The following TYW1B variants were observed in gnomAD, a reference collection of about 807,000 sequenced individuals.
TYW1B encodes the protein S-adenosyl-L-methionine-dependent tRNA 4-demethylwyosine synthase TYW1B.
A neutral mutation model predicts 86.9 loss-of-function variants in TYW1B; 73 were observed. The ratio of observed to expected loss-of-function variants is 0.84; its 90% CI spans 0.70 to 1.02. The LOEUF (loss-of-function observed/expected upper bound fraction) is 1.02, where lower values mean the gene tolerates loss of function less well. TYW1B is among the 50% of genes least tolerant of loss of function. The probability of loss-of-function intolerance (pLI) is 0.00; values close to 1 mark genes in which losing one functional copy is unlikely to be tolerated. For missense variants in TYW1B, 637 were observed against 827.4 expected (o/e 0.77, Z 2.82); for synonymous variants, 248 against 292.8 (o/e 0.85, Z 1.56).
At chr7:72,652,377 GAAA>G (rs1169791430) in intron 11 of TYW1B, among the ~76,000 whole-genome samples, 273 of 31,254 alleles carry the variant, frequency 8.7e-3, no homozygotes, top group African/African-American at 0.023. Context: ...GACTCTGTCT[GAAA>G]AAAAAAAAAA....
intron 11 of TYW1B, among the ~76,000 whole-genome samples, chr7:72,682,889 T>C (rs34209527): frequency 1.3e-5 from 2 of 152,026 alleles, no homozygotes; most frequent in African/African-American, 4.8e-5. Flanking sequence ...TCCAGACAGA[T>C]CCAGTCATTA....
At chr7:72,634,456 T>A (rs868916812) in intron 11 of TYW1B, among the ~76,000 whole-genome samples, 5 of 147,178 alleles carry the variant, frequency 3.4e-5, no homozygotes, top group Admixed American at 6.8e-5. Context: ...CCCAAAGTGC[T>A]AGGATTACAG....
chr7:72,820,589 A>G (rs1788810245), intron 2 of TYW1B, among the ~76,000 whole-genome samples: 1 of 152,162 alleles, frequency 6.6e-6, no homozygotes, highest in Non-Finnish European at 1.5e-5. Context: ...GCTGGCGAGC[A>G]CAAAGATCAC....
At chr7:72,783,882 G>T (rs2129572143) in intron 6 of TYW1B, among the ~76,000 whole-genome samples, 1 of 152,290 alleles carries the variant, frequency 6.6e-6, no homozygotes, top group East Asian at 1.9e-4. Context: ...TCTAGGTGAA[G>T]TAAACACTCC....
chr7:72,638,059 A>G (rs1292017959), intron 11 of TYW1B, among the ~76,000 whole-genome samples: 1 of 151,264 alleles, frequency 6.6e-6, no homozygotes, highest in African/African-American at 2.4e-5. Context: ...AAATTTCTAC[A>G]GTAAATGAGT....
intron 4 of TYW1B, among the ~76,000 whole-genome samples, chr7:72,808,696 T>C (rs1554477317): frequency 6.6e-6 from 1 of 151,708 alleles, no homozygotes; most frequent in Non-Finnish European, 1.5e-5. Context: ...CCCGGCTAAT[T>C]TTGTATTTTT....
At chr7:72,720,605 C>A (rs1242629835) in intron 9 of TYW1B, among the ~76,000 whole-genome samples, 1 of 152,096 alleles carries the variant, frequency 6.6e-6, no homozygotes, top group Non-Finnish European at 1.5e-5. Context: ...TCTCTCCTTC[C>A]TAAGAGCATG....
At chr7:72,802,917 G>T (rs547810339) in intron 5 of TYW1B, among the ~76,000 whole-genome samples, 2 of 152,148 alleles carry the variant, frequency 1.3e-5, no homozygotes, top group East Asian at 3.9e-4. Flanking sequence ...AACAGCGCTC[G>T]GCTGTCTATA....
rs1281274129 is a variant in TYW1B at position 72,719,154 on chromosome 7, AT to A, written c.1193-5357del. On this transcript the variant is annotated intron_variant, in intron 9 of 13. Transcript: ENST00000620995. Reference sequence around the variant, plus strand: ...CTGAAAAATAAATTCAATTATTATTATTTTTTTTTTTTTAGACAAGGTCTGC... The same window carrying A: ...CTGAAAAATAAATTCAATTATTATTATTTTTTTTTTTTAGACAAGGTCTGC... Among the ~76,000 whole-genome samples, 1,272 of 146,042 alleles carry A rather than the reference AT, an allele frequency of 8.7e-3. 13 individuals are homozygous for A. The highest frequency in any genetic ancestry group is 0.023 in the African/African-American group (924 of 40,138).
chr7:72,792,917 A>G (rs191251926), intron 6 of TYW1B, among the ~76,000 whole-genome samples: 115 of 152,346 alleles, frequency 7.5e-4, no homozygotes, highest in African/African-American at 2.5e-3. Flanking sequence ...TGTTTATAAA[A>G]GGCAATAAAA....
At chr7:72,643,030 T>C (rs1812839357) in intron 11 of TYW1B, among the ~76,000 whole-genome samples, 1 of 152,214 alleles carries the variant, frequency 6.6e-6, no homozygotes, top group Non-Finnish European at 1.5e-5. Context: ...CACTGTTTTG[T>C]AAATAAACTA....
chr7:72,745,005 T>C (rs1320663553), intron 7 of TYW1B, among the ~76,000 whole-genome samples: 1 of 152,180 alleles, frequency 6.6e-6, no homozygotes, highest in African/African-American at 2.4e-5. Flanking sequence ...GGTAAGGGAA[T>C]GCATCCTGGA....
At chr7:72,618,227 A>ATTTTTTTTTTTTTTTTTTTTTTTTT (rs869158136) in intron 12 of TYW1B, among the ~76,000 whole-genome samples, 1 of 103,938 alleles carries the variant, frequency 9.6e-6, no homozygotes. Flanking sequence ...ATGACACTGA[A>ATTTTTTTTTTTTTTTTTTTTTTTTT]TTTTTTTTTT....
rs185349039 is a variant in TYW1B, at chr7:72,663,593, C to T, written c.1506+31094G>A. ...CTAACACAGTGAAACCCCGTCTTTACTAAATATATATATATAAAAAATTAG... is the reference window on the plus strand; with the variant it reads ...CTAACACAGTGAAACCCCGTCTTTATTAAATATATATATATAAAAAATTAG... On this transcript the variant is annotated intron_variant, in intron 11 of 13. Transcript: ENST00000620995. Among the ~76,000 whole-genome samples, 414 of 151,612 alleles carry T rather than the reference C, an allele frequency of 2.7e-3. 17 individuals carry two copies. The East Asian group carries it at 0.076, about 28-fold the overall frequency.
intron 12 of TYW1B, among the ~76,000 whole-genome samples, chr7:72,619,382 C>G (rs2129568475): frequency 6.6e-6 from 1 of 152,262 alleles, no homozygotes; most frequent in African/African-American, 2.4e-5. Context: ...TGGCTCACGC[C>G]TGTAATCCCA....
chr7:72,824,226 C>T (rs1179453576), intron 2 of TYW1B, among the ~76,000 whole-genome samples: 1 of 152,138 alleles, frequency 6.6e-6, no homozygotes, highest in Non-Finnish European at 1.5e-5. Context: ...AAGTAGTCCA[C>T]AAAAATAACA....
At chr7:72,812,070 A>T (rs754778485) in intron 3 of TYW1B, among the ~76,000 whole-genome samples, 73 of 151,976 alleles carry the variant, frequency 4.8e-4, no homozygotes, top group African/African-American at 7.0e-4. Flanking sequence ...ATCCCAGGGA[A>T]ACAAAATACA....
chr7:72,759,591 C>G (rs1207170393), intron 7 of TYW1B, among the ~76,000 whole-genome samples: 1 of 152,156 alleles, frequency 6.6e-6, no homozygotes, highest in Non-Finnish European at 1.5e-5. Flanking sequence ...TCAAAAAGAC[C>G]TGCAACTATG....
At chr7:72,690,824 T>C (rs1427870609) in intron 11 of TYW1B, among the ~76,000 whole-genome samples, 1 of 151,268 alleles carries the variant, frequency 6.6e-6, no homozygotes, top group East Asian at 1.9e-4. Context: ...CTCGGCTCGC[T>C]ACAACCTCCG....
Sources: allele counts gnomAD v4.1 joint callset (sites outside exome capture counted in the v4.1 genomes callset), GRCh38; gene constraint gnomAD v4.1.1; transcripts MANE v1.5; gene names NCBI Gene and HGNC (gene_info 2026-07-23, HGNC 2026-07-21).